The following PUM1 variants were observed in gnomAD, a reference collection of about 807,000 sequenced individuals.
The protein encoded by PUM1 is pumilio RNA binding family member 1.
Under a neutral mutation model 131.8 loss-of-function variants are expected in PUM1, and 13 were observed. That is an observed-to-expected ratio of 0.10 (90% CI 0.06 to 0.16). The LOEUF is 0.16. PUM1 is among the 10% of genes least tolerant of loss of function. PUM1 has a pLI of 1.00. For synonymous variants in PUM1, 509 were observed against 556.5 expected, an observed-to-expected ratio of 0.91 and a Z score of 1.20; for missense variants, 961 against 1,512.4, an observed-to-expected ratio of 0.64 and a Z score of 6.05.
At position 31,059,195 on chromosome 1, in the gene PUM1, T is replaced by G; in HGVS notation, c.363+9A>C. The G allele has an allele frequency of 6.5e-7, 1 of 1,546,548 alleles. No individual in the cohort carries two copies. The highest frequency in any genetic ancestry group is 1.2e-5 in the South Asian group (1 of 80,910). ...AATGTCAAAGCTAAAATAGTGAACTTTTTTTTACCTGATGTTCTGCATGAA... is the reference window on the plus strand; with the variant it reads ...AATGTCAAAGCTAAAATAGTGAACTGTTTTTTACCTGATGTTCTGCATGAA... On this transcript the variant is annotated intron_variant, in intron 2 of 21. Coordinates refer to ENST00000426105, the MANE Select transcript of PUM1 (RefSeq NM_001020658.2).
At chr1:30,999,263 G>A (rs1642099714) in intron 5 of PUM1, among the ~76,000 whole-genome samples, 1 of 152,084 alleles carries the variant, frequency 6.6e-6, no homozygotes, top group African/African-American at 2.4e-5. Flanking sequence ...GTCTCCCAAA[G>A]CTCTGTGATT....
At chr1:31,061,625 TTTTTAAATTATAAAAAA>T (rs1267452854) in intron 1 of PUM1, 1 of 151,206 alleles carries the variant, frequency 6.6e-6, no homozygotes, top group Non-Finnish European at 1.5e-5. Flanking sequence ...TAAAATAATT[TTTTTAAATTATAAAAAA>T]AAAAGAAAGC....
intron 3 of PUM1, among the ~76,000 whole-genome samples, chr1:31,022,265 C>T (rs946323555): frequency 2.0e-5 from 3 of 152,036 alleles, no homozygotes; most frequent in African/African-American, 7.2e-5. Context: ...AAAGTGTTAC[C>T]ATTTATTAGT....
chr1:31,035,490 A>T (rs1409349996), intron 2 of PUM1, among the ~76,000 whole-genome samples: 1 of 152,120 alleles, frequency 6.6e-6, no homozygotes, highest in Non-Finnish European at 1.5e-5. Context: ...AGTGGCTCAC[A>T]CCTATAATCC....
At chr1:30,985,551 C>T (rs941212698) in intron 7 of PUM1, among the ~76,000 whole-genome samples, 4 of 149,744 alleles carry the variant, frequency 2.7e-5, no homozygotes, top group Admixed American at 6.7e-5. Flanking sequence ...ACTCGGGAGG[C>T]TGAGGCAGAA....
chr1:30,936,967 G>T, intron 20 of PUM1, 132 bp from the exon 21 acceptor site: 1 of 711,320 alleles, frequency 1.4e-6, no homozygotes, highest in Non-Finnish European at 2.2e-6. Flanking sequence ...AGGAAGATGA[G>T]TCGCCAACTG....
In PUM1 at chr1:31,064,022, A is replaced by C. The variant is rs16834208; in HGVS notation, c.-12+1594T>G. ...GTGATTTTTTTACAAATGACACCTT[A>C]TAAGTACTTTAAGCAACTAGAAGTG... On this transcript the variant is annotated intron_variant, in intron 1 of 21. Transcript: ENST00000426105. 3.5e-4 allele frequency among the ~76,000 whole-genome samples: 53 copies of C among 152,006 alleles called. 1 individual carries two copies. Among genetic ancestry groups the C allele is most frequent in the Non-Finnish European group, 8.8e-5 (6 of 68,018 alleles).
chr1:31,010,981 T>G (rs1222635645), intron 3 of PUM1, among the ~76,000 whole-genome samples: 1 of 152,122 alleles, frequency 6.6e-6, no homozygotes, highest in Admixed American at 6.5e-5. Flanking sequence ...ATAGCGAGAC[T>G]CTAGCTTTAC....
chr1:30,992,778 T>C (rs1335467795), intron 6 of PUM1, 118 bp from the exon 7 acceptor site: 1 of 862,794 alleles, frequency 1.2e-6, no homozygotes, highest in Non-Finnish European at 1.8e-6. Context: ...TTAAAACTAT[T>C]TCTATAAAAT....
chr1:30,978,583 A>T lies in PUM1; in HGVS notation c.1354+1479T>A, dbSNP rs148633310. On this transcript the variant is annotated intron_variant, in intron 9 of 21. Transcript: ENST00000426105. ...CATAATTGCAAATTACATGTTACATAATAAGTAGTAAAATTTCGAAGTAAT... is the reference window on the plus strand; with the variant it reads ...CATAATTGCAAATTACATGTTACATTATAAGTAGTAAAATTTCGAAGTAAT... Among the ~76,000 whole-genome samples, 123 of 152,372 alleles carry T rather than the reference A, an allele frequency of 8.1e-4. 1 individual carries two copies. Among genetic ancestry groups the T allele is most frequent in the African/African-American group, 2.8e-3 (115 of 41,580 alleles).
At chr1:31,035,080 A>G (rs1222713726) in intron 2 of PUM1, among the ~76,000 whole-genome samples, 1 of 152,242 alleles carries the variant, frequency 6.6e-6, no homozygotes, top group East Asian at 1.9e-4. Context: ...ACTATTACTA[A>G]GACTTACTTT....
intron 1 of PUM1, among the ~76,000 whole-genome samples, chr1:31,060,659 G>A (rs1644347436): frequency 6.6e-6 from 1 of 151,938 alleles, no homozygotes; most frequent in Non-Finnish European, 1.5e-5. Flanking sequence ...GCCAAGGCAG[G>A]TGTATCACTT....
chr1:31,035,630 A>C (rs1643584528), intron 2 of PUM1, among the ~76,000 whole-genome samples: 1 of 151,994 alleles, frequency 6.6e-6, no homozygotes, highest in Admixed American at 6.6e-5. Context: ...GTGCACCTGT[A>C]ATCCCAGCTA....
intron 17 of PUM1, among the ~76,000 whole-genome samples, chr1:30,949,480 C>T (rs1364253992): frequency 6.8e-6 from 1 of 147,280 alleles, no homozygotes; most frequent in Non-Finnish European, 1.5e-5. Flanking sequence ...ATTTCTGTTC[C>T]TTCTTCCCTG....
At chr1:30,957,509 G>T (rs1640219382) in intron 14 of PUM1, among the ~76,000 whole-genome samples, 1 of 152,192 alleles carries the variant, frequency 6.6e-6, no homozygotes, top group Non-Finnish European at 1.5e-5. Context: ...TGTTTTAAAA[G>T]AAACATTTCT....
rs202023076 is a variant in PUM1, at chr1:31,062,397, C to T, written c.-11-2820G>A. On this transcript the variant is annotated intron_variant, in intron 1 of 21. Transcript: ENST00000426105. ...CAGCACTTTGGGAGGCGGAGGCAGG[C>T]GCATCTCCAGGTCAGAATTCCAGAC... is the stretch of plus-strand genomic sequence containing the variant. Among the ~76,000 whole-genome samples the T allele has an allele frequency of 1.2e-4, 19 of 152,168 alleles. No individual in the cohort carries two copies. In the East Asian group the frequency reaches 3.5e-3, roughly 28 times the overall value.
intron 14 of PUM1, among the ~76,000 whole-genome samples, chr1:30,959,771 G>A (rs1338625666): frequency 6.6e-6 from 1 of 151,970 alleles, no homozygotes; most frequent in Non-Finnish European, 1.5e-5. Flanking sequence ...GCCGGGCGTG[G>A]TGGTGGGCGC....
chr1:31,033,545 T>G (rs1643510103), intron 2 of PUM1, among the ~76,000 whole-genome samples: 1 of 152,122 alleles, frequency 6.6e-6, no homozygotes, highest in Non-Finnish European at 1.5e-5. Context: ...TCATATTTTT[T>G]GAAGAAGACG....
chr1:31,004,760 G>C lies in PUM1; in HGVS notation c.720+1093C>G, dbSNP rs183459149. 2.6e-4 allele frequency among the ~76,000 whole-genome samples: 40 copies of C among 152,238 alleles called. No homozygotes were observed. In the East Asian group the frequency reaches 6.9e-3, roughly 26 times the overall value. ...AATTTAATGTGGAATAGGGAAAATA[G>C]GACCAAGCCTCTGATACCCAGCAAA... is the stretch of plus-strand genomic sequence containing the variant. On this transcript the variant is annotated intron_variant, in intron 5 of 21. Coordinates refer to ENST00000426105, the MANE Select transcript of PUM1 (RefSeq NM_001020658.2).
Sources: allele counts gnomAD v4.1 joint callset (sites outside exome capture counted in the v4.1 genomes callset), GRCh38; gene constraint gnomAD v4.1.1; transcripts MANE v1.5; gene names NCBI Gene and HGNC (gene_info 2026-07-23, HGNC 2026-07-21).